Variants in SMYD3 observed in about 807,000 individuals in gnomAD.
SMYD3 encodes histone-lysine N-methyltransferase SMYD3.
A neutral mutation model predicts 57.7 loss-of-function variants in SMYD3; 36 were observed. The observed-to-expected ratio is 0.62, with a 90% CI of 0.48 to 0.82. The LOEUF (loss-of-function observed/expected upper bound fraction) is 0.82. Among genes scored for constraint, SMYD3 ranks in the 40% least tolerant of loss-of-function variants. The pLI is 0.00. For synonymous variants in SMYD3, 211 were observed against 195.0 expected (o/e 1.08, Z -0.68); for missense variants, 515 against 538.8 (o/e 0.96, Z 0.44).
intron 5 of SMYD3, among the ~76,000 whole-genome samples, chr1:246,106,759 C>T (rs1558233811): frequency 6.6e-6 from 1 of 152,098 alleles, no homozygotes; most frequent in African/African-American, 2.4e-5. Flanking sequence ...ATCTGGAAGC[C>T]CTCTGGCCTA....
chr1:246,396,661 G>C (rs74227157), intron 1 of SMYD3, among the ~76,000 whole-genome samples: 9,955 of 152,226 alleles, frequency 0.065, 634 homozygotes, highest in East Asian at 0.32. Flanking sequence ...GGAGGGCCTG[G>C]TGGGGCACGA....
intron 5 of SMYD3, among the ~76,000 whole-genome samples, chr1:246,141,396 GACAA>G (rs2061753363): frequency 1.3e-5 from 2 of 152,166 alleles, no homozygotes; most frequent in South Asian, 2.1e-4. Context: ...GTAAAACAAA[GACAA>G]ACAATTATTT....
At position 245,841,493 on chromosome 1, in the gene SMYD3, A is replaced by G. The variant is rs370752056; in HGVS notation, c.1076+17003T>C. ...TTCTAACAATTAAACATTTAAGTTA[A>G]ATGTAAATTCAAATGCATCTCAAGG... On this transcript the variant is annotated intron_variant, in intron 10 of 11. Transcript: ENST00000490107. Among the ~76,000 whole-genome samples, 6 of 152,350 alleles carry G rather than the reference A, an allele frequency of 3.9e-5. No individual in the cohort carries two copies. In the East Asian group the frequency reaches 1.2e-3, roughly 29 times the overall value.
intron 5 of SMYD3, among the ~76,000 whole-genome samples, chr1:246,148,261 C>G (rs927266425): frequency 6.6e-6 from 1 of 152,106 alleles, no homozygotes; most frequent in African/African-American, 2.4e-5. Flanking sequence ...AGACAATGGG[C>G]GAACCAGCTA....
chr1:246,494,254 A>C (rs548262761), intron 1 of SMYD3, among the ~76,000 whole-genome samples: 37 of 152,324 alleles, frequency 2.4e-4, no homozygotes, highest in African/African-American at 8.7e-4. Context: ...TACAAACAGC[A>C]CTTCGCTGCA....
intron 5 of SMYD3, among the ~76,000 whole-genome samples, chr1:246,081,419 G>C (rs1418487311): frequency 6.6e-6 from 1 of 152,082 alleles, no homozygotes; most frequent in East Asian, 1.9e-4. Context: ...TTGAGACAGA[G>C]TCTCACTCTG....
chr1:246,106,278 A>G (rs1006822407), intron 5 of SMYD3, among the ~76,000 whole-genome samples: 1 of 152,244 alleles, frequency 6.6e-6, no homozygotes, highest in South Asian at 2.1e-4. Context: ...ACGGCAGCAG[A>G]TAAAATCCCT....
chr1:245,849,629 C>T (rs921209906), intron 10 of SMYD3, among the ~76,000 whole-genome samples: 2 of 149,378 alleles, frequency 1.3e-5, no homozygotes, highest in Non-Finnish European at 3.0e-5. Flanking sequence ...TATTTACCAT[C>T]TTTATTTTAT....
chr1:246,091,595 A>C (rs2060824661), intron 5 of SMYD3, among the ~76,000 whole-genome samples: 1 of 151,890 alleles, frequency 6.6e-6, no homozygotes, highest in African/African-American at 2.4e-5. Context: ...AGAATATGCT[A>C]TTGATTTGTG....
intron 10 of SMYD3, among the ~76,000 whole-genome samples, chr1:245,803,774 T>C (rs1330814546): frequency 2.0e-5 from 3 of 152,170 alleles, no homozygotes; most frequent in East Asian, 1.9e-4. Flanking sequence ...TTCTAAAATT[T>C]GATGTGCCTG....
At chr1:245,892,812 T>G (rs1366413735) in intron 8 of SMYD3, among the ~76,000 whole-genome samples, 1 of 152,194 alleles carries the variant, frequency 6.6e-6, no homozygotes, top group Non-Finnish European at 1.5e-5. Flanking sequence ...CTTTCTCCTC[T>G]TGAATTAGGT....
At chr1:245,810,679 A>C (rs895447303) in intron 10 of SMYD3, among the ~76,000 whole-genome samples, 3 of 152,180 alleles carry the variant, frequency 2.0e-5, no homozygotes, top group South Asian at 2.1e-4. Context: ...AAAGCCTCTT[A>C]GAGCTTATGT....
intron 8 of SMYD3, among the ~76,000 whole-genome samples, chr1:245,880,584 A>G (rs1481178372): frequency 6.6e-6 from 1 of 152,236 alleles, no homozygotes; most frequent in Non-Finnish European, 1.5e-5. Context: ...ACGAAGTATC[A>G]GGTAAAAACC....
At chr1:245,843,956 T>C (rs1165257794) in intron 10 of SMYD3, among the ~76,000 whole-genome samples, 1 of 152,194 alleles carries the variant, frequency 6.6e-6, no homozygotes, top group Non-Finnish European at 1.5e-5. Flanking sequence ...CAACTAGTTG[T>C]TATGTAAACA....
intron 5 of SMYD3, among the ~76,000 whole-genome samples, chr1:245,970,807 G>A (rs1467682908): frequency 6.6e-6 from 1 of 152,182 alleles, no homozygotes; most frequent in East Asian, 1.9e-4. Flanking sequence ...ACAGGTGCTG[G>A]AGAGGATGTG....
At chr1:246,077,473 G>A (rs2060567331) in intron 5 of SMYD3, among the ~76,000 whole-genome samples, 6 of 151,916 alleles carry the variant, frequency 3.9e-5, no homozygotes, top group Admixed American at 3.9e-4. Flanking sequence ...GCCTGGGATT[G>A]CCTTACCAAA....
intron 1 of SMYD3, among the ~76,000 whole-genome samples, chr1:246,450,144 G>A (rs1055828569): frequency 2.6e-5 from 4 of 152,100 alleles, no homozygotes; most frequent in Non-Finnish European, 4.4e-5. Context: ...AAAATTAGCC[G>A]GGCGTGGCGG....
intron 5 of SMYD3, among the ~76,000 whole-genome samples, chr1:246,075,091 A>G (rs987092132): frequency 2.0e-5 from 3 of 152,128 alleles, no homozygotes; most frequent in African/African-American, 7.2e-5. Flanking sequence ...ATGAAAACCA[A>G]CCCAAAATGG....
intron 1 of SMYD3, among the ~76,000 whole-genome samples, chr1:246,504,423 G>A (rs1188019363): frequency 6.6e-6 from 1 of 152,162 alleles, no homozygotes; most frequent in Non-Finnish European, 1.5e-5. Context: ...ACTGAATACT[G>A]TAGGTAACTG....
Sources: gnomAD v4.1 joint callset for allele counts (sites outside exome capture counted in the v4.1 genomes callset) on GRCh38, gnomAD v4.1.1 for gene constraint, MANE v1.5 for transcripts, NCBI Gene and HGNC (gene_info 2026-07-23, HGNC 2026-07-21) for gene names.